TMPO: variants seen among roughly 807,000 people sequenced by gnomAD.
The protein encoded by TMPO is thymopoietin.
TMPO carries 22 observed loss-of-function variants against 45.4 expected under a neutral mutation model. The ratio of observed to expected loss-of-function variants is 0.48; its 90% CI spans 0.35 to 0.69. TMPO has a LOEUF of 0.69. TMPO is among the 30% of genes least tolerant of loss of function. TMPO has a pLI of 0.01. For missense variants in TMPO, 512 were observed against 548.8 expected (o/e 0.93, Z 0.67); for synonymous variants, 241 against 204.1 (o/e 1.18, Z -1.54).
chr12:98,544,185 T>G, intron 4 of TMPO, 45 bp from the exon 5 acceptor site: 1 of 1,608,948 alleles, frequency 6.2e-7, no homozygotes, highest in African/African-American at 1.3e-5. Flanking sequence ...TATTAAAGTA[T>G]TTGATGTTAG....
In TMPO at chr12:98,517,711, TAAAA is replaced by T. The variant is rs1875972828; in HGVS notation, c.279+1566_279+1569del. Among the ~76,000 whole-genome samples, 10 of 152,324 alleles carry T rather than the reference TAAAA, an allele frequency of 6.6e-5. No individual in the cohort carries two copies. In the South Asian group the frequency reaches 2.1e-3, roughly 32 times the overall value. On this transcript the variant is annotated intron_variant, in intron 1 of 8. Transcript: ENST00000556029. ...TAGTGCCAAATATTTGTACAATAAA[TAAAA>T]GACCAATCACACCTTATTGTTTAAA...
chr12:98,537,836 G>T, intron 4 of TMPO: 1 of 542,076 alleles, frequency 1.8e-6, no homozygotes, highest in Non-Finnish European at 3.3e-6. Flanking sequence ...ATGGTGTTTT[G>T]AAAGAAATAT....
chr12:98,516,443 C>G lies in TMPO; in HGVS notation c.279+297C>G, dbSNP rs1015544406. ...CGCCGCTTCCCTGGACCACCAGCCG[C>G]CTGCAGCGGGCGTTTAGACGGGGAC... On this transcript the variant is annotated intron_variant, in intron 1 of 8. Transcript: ENST00000556029. 11 of 1,154,510 alleles carry G rather than the reference C, an allele frequency of 9.5e-6. No homozygotes were observed. The South Asian group carries it at 3.9e-4, about 41-fold the overall frequency. The allele number at this position is 1,154,510 out of a possible 1,614,324, so 71.5% of individuals were successfully genotyped here.
intron 1 of TMPO, among the ~76,000 whole-genome samples, chr12:98,518,433 C>G (rs573212941): frequency 1.4e-5 from 2 of 146,098 alleles, no homozygotes; most frequent in Admixed American, 6.9e-5. Context: ...GCAAGGGCAA[C>G]GGGGCATGCA....
chr12:98,515,792 C>T lies in TMPO; in HGVS notation c.-76C>T. 2.6e-6 allele frequency: 4 copies of T among 1,555,500 alleles called. No homozygotes were observed. Among genetic ancestry groups the T allele is most frequent in the South Asian group, 1.2e-5 (1 of 84,972 alleles). On this transcript the variant is annotated 5_prime_UTR_variant, in exon 1 of 9. Transcript: ENST00000556029. ...GAGGCTCGGAGGCGGCAGCGCGGTC[C>T]CCGGCCAGGAGCAAGCGCGCCGGCG...
intron 1 of TMPO, chr12:98,527,599 C>T: frequency 8.6e-6 from 2 of 232,532 alleles, no homozygotes; most frequent in Non-Finnish European, 1.7e-5. Context: ...TGCTCTTTTG[C>T]ATTTTTGATG....
intron 5 of TMPO, 34 bp downstream of exon 5, chr12:98,544,383 T>G (rs377168797): frequency 6.2e-7 from 1 of 1,613,582 alleles, no homozygotes; most frequent in African/African-American, 1.3e-5. Context: ...GTTTTCAGAT[T>G]TGTAGGGTTT....
intron 2 of TMPO, among the ~76,000 whole-genome samples, chr12:98,530,482 A>C (rs79086568): frequency 6.7e-6 from 1 of 148,664 alleles, no homozygotes; most frequent in Non-Finnish European, 1.5e-5. Context: ...CTTCTAAAAA[A>C]TATCCATTAT....
chr12:98,529,846 A>C (rs964944202), intron 2 of TMPO, among the ~76,000 whole-genome samples: 2 of 152,222 alleles, frequency 1.3e-5, no homozygotes, highest in African/African-American at 4.8e-5. Flanking sequence ...GGCATGAGTC[A>C]CTGCATCTGG....
chr12:98,521,796 C>T (rs1170186205), intron 1 of TMPO, among the ~76,000 whole-genome samples: 2 of 152,200 alleles, frequency 1.3e-5, no homozygotes, highest in African/African-American at 4.8e-5. Flanking sequence ...GTGGCGCGAT[C>T]TCGGCTCACT....
rs139315144 is a variant in TMPO at position 98,527,021 on chromosome 12, G to A, written c.280-865G>A. Among the ~76,000 whole-genome samples the A allele has an allele frequency of 3.3e-5, 5 of 151,928 alleles. No individual in the cohort carries two copies. In the East Asian group the frequency reaches 9.7e-4, roughly 29 times the overall value. ...ATGTATCTAAGTGTAAGCCTGTATG[G>A]TAAAGTCTTAAACTTTCCTGGATTA... On this transcript the variant is annotated intron_variant, in intron 1 of 8. Coordinates refer to ENST00000556029, the MANE Select transcript of TMPO (RefSeq NM_001032283.3).
intron 2 of TMPO, 119 bp from the exon 3 acceptor site, chr12:98,531,561 G>A: frequency 9.4e-7 from 1 of 1,063,186 alleles, no homozygotes; most frequent in Admixed American, 2.2e-5. Context: ...TTTTTTTTAA[G>A]AACTTGAGTT....
intron 3 of TMPO, chr12:98,532,856 C>T (rs1402477287): frequency 1.5e-5 from 25 of 1,614,076 alleles, no homozygotes; most frequent in Non-Finnish European, 1.9e-5. Context: ...GTGAAGTCCA[C>T]TAGGGATATT....
At chr12:98,531,148 C>T (rs1325198054) in intron 2 of TMPO, among the ~76,000 whole-genome samples, 17 of 151,160 alleles carry the variant, frequency 1.1e-4, no homozygotes, top group Admixed American at 1.1e-3. Context: ...CCATGTTGGT[C>T]AGGCTTGTCT....
rs113105753 is a variant in TMPO at position 98,534,499 on chromosome 12, A to T, written c.565+2661A>T. On this transcript the variant is annotated intron_variant, in intron 3 of 8. Transcript: ENST00000556029. ...ACAGTATAAAAGTAATTGCCTGTGT[A>T]GAACTACTTGTCTTTTCTAAAGATT... 0.011 allele frequency: 16,202 copies of T among 1,451,686 alleles called. 124 individuals are homozygous for T. The highest frequency in any genetic ancestry group is 0.014 in the Non-Finnish European group (15,418 of 1,110,142). The allele number at this position is 1,451,686 out of a possible 1,614,324, so 89.9% of individuals were successfully genotyped here.
intron 4 of TMPO, among the ~76,000 whole-genome samples, chr12:98,540,750 C>T (rs1007736617): frequency 3.3e-5 from 5 of 152,206 alleles, no homozygotes; most frequent in African/African-American, 9.6e-5. Flanking sequence ...CCATATTGGA[C>T]GGCACAGATC....
At chr12:98,531,885 C>T (rs1404115511) in intron 3 of TMPO, 47 bp downstream of exon 3, 2 of 1,537,000 alleles carry the variant, frequency 1.3e-6, no homozygotes, top group South Asian at 2.3e-5. Context: ...TTTTTTCACA[C>T]TCAAAATTCA....
At chr12:98,545,097 AT>A in intron 7 of TMPO, 36 bp downstream of exon 7, 1 of 1,284,036 alleles carries the variant, frequency 7.8e-7, no homozygotes. Flanking sequence ...GCTATCATTG[AT>A]CTTTCAAAGA....
At chr12:98,525,201 T>G (rs1221717976) in intron 1 of TMPO, among the ~76,000 whole-genome samples, 1 of 152,180 alleles carries the variant, frequency 6.6e-6, no homozygotes, top group Non-Finnish European at 1.5e-5. Context: ...ATTTGGATAT[T>G]ATGGTGTGGG....
Sources: gnomAD v4.1 joint callset for allele counts (sites outside exome capture counted in the v4.1 genomes callset) on GRCh38, gnomAD v4.1.1 for gene constraint, MANE v1.5 for transcripts, NCBI Gene and HGNC (gene_info 2026-07-23, HGNC 2026-07-21) for gene names.